DNAJC21: variants seen among roughly 807,000 people sequenced by gnomAD.
DNAJC21 encodes the protein DnaJ heat shock protein family (Hsp40) member C21.
In DNAJC21, 63 loss-of-function variants were observed where a neutral mutation model predicts 72.4. The observed-to-expected ratio is 0.87, with a 90% CI of 0.71 to 1.07. DNAJC21 has a LOEUF of 1.07. DNAJC21 is among the 50% of genes least tolerant of loss of function. The pLI is 0.00. For synonymous variants in DNAJC21, 203 were observed against 216.7 expected (o/e 0.94, Z 0.56); for missense variants, 634 against 644.8 (o/e 0.98, Z 0.18).
chr5:34,941,256 G>A lies in DNAJC21; in HGVS notation c.983+73G>A, dbSNP rs982655781. 3 of 1,384,170 alleles carry A rather than the reference G, an allele frequency of 2.2e-6. No individual in the cohort carries two copies. In the African/African-American group the frequency reaches 4.3e-5, roughly 20 times the overall value. The allele number at this position is 1,384,170 out of a possible 1,614,324, so 85.7% of individuals were successfully genotyped here. A position where few individuals can be genotyped will look rare whatever the true frequency, so the allele number is the denominator to read the frequency against. ...TCTGTCACCAAGGCAGGAGTGCAGTGGCACAGTCATGACTCACCACAGCCT... is the reference window on the plus strand; with the variant it reads ...TCTGTCACCAAGGCAGGAGTGCAGTAGCACAGTCATGACTCACCACAGCCT... On this transcript the variant is annotated intron_variant, in intron 7 of 11. Transcript: ENST00000648817.
At chr5:34,947,363 G>A (rs1318268074) in intron 9 of DNAJC21, among the ~76,000 whole-genome samples, 1 of 152,158 alleles carries the variant, frequency 6.6e-6, no homozygotes, top group Non-Finnish European at 1.5e-5. Flanking sequence ...TGGTATTGGT[G>A]TGGTATTTTT....
intron 9 of DNAJC21, chr5:34,949,692 T>C: frequency 6.2e-7 from 1 of 1,613,424 alleles, no homozygotes; most frequent in African/African-American, 1.3e-5. Context: ...GCTTAGGATA[T>C]GTTTGCCAGG....
chr5:34,951,998 C>G, intron 10 of DNAJC21: 14 of 985,354 alleles, frequency 1.4e-5, no homozygotes, highest in Non-Finnish European at 1.7e-5. Context: ...TACATTATAC[C>G]CAGCACCCTC....
In DNAJC21 at chr5:34,937,653, TC is replaced by T. The variant is rs775014927; in HGVS notation, c.743+24del. The T allele has an allele frequency of 4.4e-6, 7 of 1,592,224 alleles. No homozygotes were observed. In the South Asian group the frequency reaches 8.0e-5, roughly 18 times the overall value. ...CAAGTGCGTAGCGTGCGTGGGGCCCTCTTCTCAGTATCGGTGGGGGTCAGAG... is the reference window on the plus strand; with the variant it reads ...CAAGTGCGTAGCGTGCGTGGGGCCCTTTCTCAGTATCGGTGGGGGTCAGAG... On this transcript the variant is annotated intron_variant, in intron 5 of 11. Transcript: ENST00000648817.
intron 10 of DNAJC21, chr5:34,951,652 C>T (rs191519710): frequency 1.4e-5 from 12 of 850,766 alleles, no homozygotes; most frequent in South Asian, 5.4e-5. Context: ...CTCAGCCTCT[C>T]GAGTTGCTGG....
chr5:34,946,596 CAT>C (rs1053522776), intron 9 of DNAJC21, among the ~76,000 whole-genome samples: 28 of 152,094 alleles, frequency 1.8e-4, no homozygotes, highest in African/African-American at 6.3e-4. Context: ...ATATATGACA[CAT>C]GAGTTAATCA....
rs1157586948 is a variant in DNAJC21 at position 34,938,992 on chromosome 5, T to C, written c.878T>C (p.Leu293Pro). ...SDENEMEEHELKDEEDGKDSD... is the reference protein window; with the variant it reads ...SDENEMEEHEPKDEEDGKDSD... ...GAAAATGAAATGGAAGAACATGAAC[T>C]CAAAGATGAGGAGGATGGTAATATT... Residue 293 changes from leucine to proline, a missense_variant, in exon 6 of 12, where the codon CTC (leucine) becomes CCC (proline). Leu to Pro is a moderately conservative substitution (Grantham distance 98). Transcript: ENST00000648817. 1 of 1,610,244 alleles carries C rather than the reference T, an allele frequency of 6.2e-7. No individual in the cohort carries two copies. The highest frequency in any genetic ancestry group is 8.5e-7 in the Non-Finnish European group (1 of 1,178,168).
At chr5:34,941,712 G>A (rs1453690350) in intron 7 of DNAJC21, among the ~76,000 whole-genome samples, 11 of 151,784 alleles carry the variant, frequency 7.2e-5, no homozygotes, top group South Asian at 6.2e-4. Context: ...GACTACAGAT[G>A]CAGGTCACCG....
At chr5:34,942,652 A>G (rs1227396571) in intron 7 of DNAJC21, among the ~76,000 whole-genome samples, 1 of 152,204 alleles carries the variant, frequency 6.6e-6, no homozygotes, top group African/African-American at 2.4e-5. Context: ...CGTTTTGCAC[A>G]ATTTGCATGT....
In DNAJC21 at chr5:34,929,847, G is replaced by A. The variant is rs779102555; in HGVS notation, c.28G>A (p.Val10Met). 2.5e-6 allele frequency: 4 copies of A among 1,577,856 alleles called. No individual in the cohort carries two copies. The highest frequency in any genetic ancestry group is 1.8e-5 in the Admixed American group (1 of 56,966). The change falls in exon 1 of 12, where the codon GTG becomes ATG. Residue 10 changes from valine (V) to methionine (M), a missense_variant. Val to Met is a conservative substitution (Grantham distance 21). Coordinates refer to ENST00000648817, the MANE Select transcript of DNAJC21 (RefSeq NM_001012339.3). Reference protein sequence around the residue: MKCHYEALGVRRDASEEELK... With the variant: MKCHYEALGMRRDASEEELK... ...GAAGTGTCACTATGAGGCGCTGGGGGTGCGGCGCGACGCCAGCGAGGAGGA... is the reference window on the plus strand; with the variant it reads ...GAAGTGTCACTATGAGGCGCTGGGGATGCGGCGCGACGCCAGCGAGGAGGA...
chr5:34,954,406 C>T, intron 11 of DNAJC21, 147 bp from the exon 12 acceptor site: 1 of 938,922 alleles, frequency 1.1e-6, no homozygotes, highest in Non-Finnish European at 1.5e-6. Flanking sequence ...GAACATCTGC[C>T]TTTGTTGAAC....
intron 1 of DNAJC21, 149 bp downstream of exon 1, chr5:34,930,065 C>A: frequency 2.0e-6 from 1 of 503,616 alleles, no homozygotes; most frequent in Non-Finnish European, 3.3e-6. Flanking sequence ...TGCCCGGAGC[C>A]GCCCTGCCCG....
chr5:34,951,966 A>AGAAT (rs1765382377), intron 10 of DNAJC21: 1 of 985,404 alleles, frequency 1.0e-6, no homozygotes, highest in Non-Finnish European at 1.2e-6. Flanking sequence ...TCACAGCTGC[A>AGAAT]GAATGGCAGA....
At chr5:34,945,692 C>CTTTT in intron 8 of DNAJC21, 69 bp from the exon 9 acceptor site, 4 of 1,031,326 alleles carry the variant, frequency 3.9e-6, no homozygotes, top group South Asian at 3.7e-5. Flanking sequence ...AGTGTTTCAA[C>CTTTT]TTTTTTTTTT....
intron 9 of DNAJC21, among the ~76,000 whole-genome samples, chr5:34,949,307 A>G (rs1207992434): frequency 1.3e-5 from 2 of 152,106 alleles, no homozygotes; most frequent in Non-Finnish European, 2.9e-5. Context: ...AAAACATCAA[A>G]TTGTCAACAT....
chr5:34,945,816 G>A lies in DNAJC21; in HGVS notation c.1185+13G>A, dbSNP rs751454873. 3.2e-6 allele frequency: 5 copies of A among 1,560,670 alleles called. No homozygotes were observed. The South Asian group carries it at 6.0e-5, about 19-fold the overall frequency. ...GAAACCAGCACAGGTATGTTAGAAA[G>A]GTTTTGTTAACATTAAATGCCAACG... On this transcript the variant is annotated intron_variant, in intron 9 of 11. Coordinates refer to ENST00000648817, the MANE Select transcript of DNAJC21 (RefSeq NM_001012339.3).
At chr5:34,939,333 TC>T (rs1439464102) in intron 6 of DNAJC21, among the ~76,000 whole-genome samples, 2 of 151,818 alleles carry the variant, frequency 1.3e-5, no homozygotes, top group Non-Finnish European at 1.5e-5. Flanking sequence ...TGGCGCAATC[TC>T]GGCTCACTGC....
intron 6 of DNAJC21, 124 bp downstream of exon 6, chr5:34,939,133 C>A: frequency 1.1e-6 from 1 of 882,030 alleles, no homozygotes; most frequent in Non-Finnish European, 1.7e-6. Flanking sequence ...TTGTATGGGC[C>A]AAAGGTAGTC....
At position 34,958,749 on chromosome 5, in the gene DNAJC21, C is replaced by T. The variant is rs944491202; in HGVS notation, c.*4035C>T. ...CAGCAATTCTCAAAACTTTTGGTCT[C>T]AAGATCCCTTTACACTCTTCAAAAG... On this transcript the variant is annotated 3_prime_UTR_variant, in exon 12 of 12. Coordinates refer to ENST00000648817, the MANE Select transcript of DNAJC21 (RefSeq NM_001012339.3). 2.6e-5 allele frequency: 4 copies of T among 152,150 alleles called. No homozygotes were observed. Among genetic ancestry groups the T allele is most frequent in the Admixed American group, 1.3e-4 (2 of 15,276 alleles). 9.4% of individuals were successfully genotyped at this position (152,150 alleles called of 1,614,324 possible).
Sources: allele counts gnomAD v4.1 joint callset (sites outside exome capture counted in the v4.1 genomes callset), GRCh38; gene constraint gnomAD v4.1.1; transcripts MANE v1.5; gene names NCBI Gene and HGNC (gene_info 2026-07-23, HGNC 2026-07-21).